The following MCTP2 variants were observed in gnomAD, a reference collection of about 807,000 sequenced individuals.
The protein encoded by MCTP2 is multiple C2 and transmembrane domain containing 2, also known as multiple C2 and transmembrane domain-containing protein 2.
In MCTP2, 132 loss-of-function variants were observed where a neutral mutation model predicts 111.6. The ratio of observed to expected loss-of-function variants is 1.18; its 90% CI spans 1.03 to 1.37. MCTP2 has a LOEUF of 1.37. MCTP2 is among the 40% of genes most tolerant of loss of function. The pLI is 0.00. For synonymous variants in MCTP2, 395 were observed against 387.7 expected (o/e 1.02, Z -0.22); for missense variants, 1,183 against 1,067.9 (o/e 1.11, Z -1.50).
rs1306192861 is a variant in MCTP2, at chr15:94,479,971, A to G, written c.*937A>G. 1 of 152,176 alleles carries G rather than the reference A, an allele frequency of 6.6e-6. No individual in the cohort carries two copies. Among genetic ancestry groups the G allele is most frequent in the Non-Finnish European group, 1.5e-5 (1 of 68,024 alleles). The allele number at this position is 152,176 out of a possible 1,614,324, so 9.4% of individuals were successfully genotyped here. On this transcript the variant is annotated 3_prime_UTR_variant, in exon 23 of 23. Coordinates refer to ENST00000357742, the MANE Select transcript of MCTP2 (RefSeq NM_001385001.1). ...CATTTGCCTGAATGTTTTAAGCAGG[A>G]AGTAGAAATACTTTGGCTGCCCAAA...
At chr15:94,399,385 TG>T (rs998324430) in intron 15 of MCTP2, 1 of 218,344 alleles carries the variant, frequency 4.6e-6, no homozygotes, top group African/African-American at 2.3e-5. Flanking sequence ...TCTGATTCTT[TG>T]GGGTCTTACT....
intron 1 of MCTP2, among the ~76,000 whole-genome samples, chr15:94,257,696 C>T (rs1440362605): frequency 6.8e-6 from 1 of 147,704 alleles, no homozygotes; most frequent in African/African-American, 2.5e-5. Context: ...GAGCGATTCT[C>T]CTGCCTCAGC....
At chr15:94,430,530 G>A (rs1295717741) in intron 17 of MCTP2, among the ~76,000 whole-genome samples, 1 of 133,058 alleles carries the variant, frequency 7.5e-6, no homozygotes, top group African/African-American at 2.9e-5. Flanking sequence ...TCAGGAGTTT[G>A]AAACCAGCCT....
At chr15:94,445,917 C>T (rs377664298) in intron 19 of MCTP2, among the ~76,000 whole-genome samples, 1 of 152,316 alleles carries the variant, frequency 6.6e-6, no homozygotes, top group South Asian at 2.1e-4. Context: ...CCATCACGGA[C>T]GACTGTGGAA....
At chr15:94,326,070 C>T (rs1005560388) in intron 4 of MCTP2, among the ~76,000 whole-genome samples, 28 of 152,072 alleles carry the variant, frequency 1.8e-4, no homozygotes, top group Non-Finnish European at 1.5e-5. Flanking sequence ...CTGCCTGCCT[C>T]AGCCTCCCAA....
chr15:94,399,767 G>A (rs543798093), intron 15 of MCTP2, 154 bp from the exon 16 acceptor site: 4 of 645,158 alleles, frequency 6.2e-6, no homozygotes, highest in Non-Finnish European at 1.1e-5. Context: ...CCAGAAACAT[G>A]TACAGGGCAC....
chr15:94,365,764 C>T (rs879512613), intron 10 of MCTP2, among the ~76,000 whole-genome samples: 9 of 152,098 alleles, frequency 5.9e-5, no homozygotes, highest in Non-Finnish European at 1.3e-4. Context: ...AAAGAACCAA[C>T]AAAACCACCA....
intron 12 of MCTP2, among the ~76,000 whole-genome samples, chr15:94,373,185 C>T (rs1412069623): frequency 6.6e-6 from 1 of 152,142 alleles, no homozygotes; most frequent in African/African-American, 2.4e-5. Flanking sequence ...AAATATAGGT[C>T]ATTCAAGCCA....
chr15:94,246,086 G>T (rs188145953), intron 1 of MCTP2, among the ~76,000 whole-genome samples: 1 of 152,208 alleles, frequency 6.6e-6, no homozygotes, highest in African/African-American at 2.4e-5. Context: ...GGCTTGGGGA[G>T]AGGTCGTCAC....
chr15:94,457,851 G>A (rs910265680), intron 19 of MCTP2, among the ~76,000 whole-genome samples: 11 of 152,186 alleles, frequency 7.2e-5, no homozygotes, highest in African/African-American at 1.4e-4. Context: ...CGAGGGACGC[G>A]GCAGCCTCCA....
At chr15:94,408,091 A>G (rs541822350) in intron 17 of MCTP2, among the ~76,000 whole-genome samples, 3 of 152,276 alleles carry the variant, frequency 2.0e-5, no homozygotes, top group East Asian at 3.9e-4. Context: ...TAAAAGATTT[A>G]CTTTAAGTTC....
chr15:94,468,445 A>G (rs1156768788), intron 20 of MCTP2, among the ~76,000 whole-genome samples: 2 of 75,504 alleles, frequency 2.6e-5, no homozygotes, highest in East Asian at 3.9e-4. Context: ...AAATAAATCA[A>G]TTTTCTTAAG....
At chr15:94,312,799 G>T (rs1448678755) in intron 2 of MCTP2, among the ~76,000 whole-genome samples, 1 of 152,104 alleles carries the variant, frequency 6.6e-6, no homozygotes, top group Non-Finnish European at 1.5e-5. Flanking sequence ...AGAGGCAGTG[G>T]GCCAGAAAGC....
intron 7 of MCTP2, chr15:94,341,962 T>C (rs1239060815): frequency 6.6e-6 from 1 of 152,206 alleles, no homozygotes; most frequent in Non-Finnish European, 1.5e-5. Context: ...CTTCTTGATC[T>C]TGACAGCATT....
intron 4 of MCTP2, among the ~76,000 whole-genome samples, chr15:94,328,788 C>T (rs2077007231): frequency 1.3e-5 from 2 of 152,108 alleles, no homozygotes; most frequent in African/African-American, 4.8e-5. Context: ...ATGGAGTTGG[C>T]CTGTTTTTGC....
At chr15:94,368,730 C>G (rs1344554739) in intron 11 of MCTP2, among the ~76,000 whole-genome samples, 1 of 152,162 alleles carries the variant, frequency 6.6e-6, no homozygotes, top group Non-Finnish European at 1.5e-5. Context: ...ATTAGGTAAG[C>G]AAATGAAAAT....
At chr15:94,326,287 T>C (rs565485420) in intron 4 of MCTP2, among the ~76,000 whole-genome samples, 1 of 152,316 alleles carries the variant, frequency 6.6e-6, no homozygotes, top group East Asian at 1.9e-4. Context: ...TCAGTCAACA[T>C]TCTGAATTAA....
intron 14 of MCTP2, among the ~76,000 whole-genome samples, chr15:94,396,452 GTA>G (rs1032700860): frequency 6.6e-6 from 1 of 151,858 alleles, no homozygotes; most frequent in Non-Finnish European, 1.5e-5. Flanking sequence ...GTGTGTGTGT[GTA>G]TATATATATG....
intron 17 of MCTP2, among the ~76,000 whole-genome samples, chr15:94,427,807 A>G (rs907235650): frequency 6.6e-6 from 1 of 152,272 alleles, no homozygotes; most frequent in East Asian, 1.9e-4. Context: ...TTATTCTCAG[A>G]TATCTTCAAA....
Sources: gnomAD v4.1 joint callset for allele counts (sites outside exome capture counted in the v4.1 genomes callset) on GRCh38, gnomAD v4.1.1 for gene constraint, MANE v1.5 for transcripts, NCBI Gene and HGNC (gene_info 2026-07-23, HGNC 2026-07-21) for gene names.